The following UBR4 variants were observed in gnomAD, a reference collection of about 807,000 sequenced individuals.
The protein encoded by UBR4 is E3 ubiquitin-protein ligase UBR4.
Under a neutral mutation model 575.6 loss-of-function variants are expected in UBR4, and 124 were observed. The observed-to-expected ratio is 0.22, with a 90% CI of 0.19 to 0.25. The LOEUF is 0.25. UBR4 is among the 10% of genes least tolerant of loss of function. UBR4 has a pLI of 1.00. For synonymous variants in UBR4, 2,455 were observed against 2,473.7 expected, an observed-to-expected ratio of 0.99 and a Z score of 0.22; for missense variants, 4,818 against 6,478.8, an observed-to-expected ratio of 0.74 and a Z score of 8.80.
chr1:19,173,734 A>T, intron 22 of UBR4, 113 bp from the exon 23 acceptor site: 1 of 1,046,356 alleles, frequency 9.6e-7, no homozygotes, highest in Non-Finnish European at 1.4e-6. Context: ...TAGAGTCCTG[A>T]TTTTAAATTG....
At chr1:19,155,293 G>A (rs1483203622) in intron 43 of UBR4, 148 bp downstream of exon 43, 24 of 1,044,798 alleles carry the variant, frequency 2.3e-5, no homozygotes, top group Non-Finnish European at 2.9e-5. Flanking sequence ...TAGGTAGAAA[G>A]TTAGATGGAA....
At chr1:19,199,010 C>A (rs2092613877) in intron 3 of UBR4, 82 bp from the exon 4 acceptor site, 1 of 1,529,690 alleles carries the variant, frequency 6.5e-7, no homozygotes, top group Admixed American at 2.1e-5. Flanking sequence ...GAAATTCTAA[C>A]TGGCACAGGG....
chr1:19,208,194 A>T (rs1214473335), intron 1 of UBR4, among the ~76,000 whole-genome samples: 1 of 152,054 alleles, frequency 6.6e-6, no homozygotes, highest in Non-Finnish European at 1.5e-5. Context: ...CCGGCTGGGC[A>T]CGGTAGCTCA....
In UBR4 at chr1:19,153,814, T is replaced by A; in HGVS notation, c.6584A>T (p.Asp2195Val). The A allele has an allele frequency of 6.2e-7, 1 of 1,614,202 alleles. No homozygotes were observed. The highest frequency in any genetic ancestry group is 8.5e-7 in the Non-Finnish European group (1 of 1,180,024). Residue 2195 changes from aspartate to valine, a missense_variant, in exon 45 of 106, where the codon GAC (aspartate) becomes GTC (valine). Asp to Val is a radical substitution (Grantham distance 152, BLOSUM62 -3). Transcript: ENST00000375254. This position sits in a 1 kb window ranked among gnomAD's most constrained non-coding sequence, Gnocchi z 4.1. Reference sequence around the variant, plus strand: ...CTTAATCTCCTGGATAAGAAAAGTGTCTGGTTTCACCATAACTACCAGCGG... The same window carrying A: ...CTTAATCTCCTGGATAAGAAAAGTGACTGGTTTCACCATAACTACCAGCGG... ...GVPLVVMVKPDTFLIQEIKTL... is the reference protein window; with the variant it reads ...GVPLVVMVKPVTFLIQEIKTL...
chr1:19,163,912 G>C (rs2087833003), intron 33 of UBR4, 85 bp from the exon 34 acceptor site: 2 of 1,390,700 alleles, frequency 1.4e-6, no homozygotes, highest in South Asian at 1.2e-5. Flanking sequence ...CATTAACTTT[G>C]AATCAATCTG....
chr1:19,076,648 T>C lies in UBR4; in HGVS notation c.15487+92A>G, dbSNP rs1570056514. The C allele has an allele frequency of 1.9e-6, 3 of 1,559,270 alleles. No homozygotes were observed. The East Asian group carries it at 6.7e-5, about 35-fold the overall frequency. On this transcript the variant is annotated intron_variant, in intron 105 of 105. Coordinates refer to ENST00000375254, the MANE Select transcript of UBR4 (RefSeq NM_020765.3). ...AGGCTGGTTCATACTGCGTTTCCTC[T>C]GGTCGTGAAGATAAAGCTACGGATG...
chr1:19,174,298 C>A (rs773072578), intron 22 of UBR4, 21 bp downstream of exon 22: 1 of 1,596,626 alleles, frequency 6.3e-7, no homozygotes, highest in Non-Finnish European at 8.5e-7. Flanking sequence ...CCAAAGACTT[C>A]TCAGGGTTCC....
chr1:19,202,174 T>C (rs749080228), intron 1 of UBR4, among the ~76,000 whole-genome samples: 2 of 151,936 alleles, frequency 1.3e-5, no homozygotes, highest in Admixed American at 6.6e-5. Context: ...GCCTGGGTGA[T>C]AGAGCAAGAC....
At position 19,087,730 on chromosome 1, in the gene UBR4, C is replaced by G. The variant is rs976231834; in HGVS notation, c.14544+86G>C. 14 of 1,103,632 alleles carry G rather than the reference C, an allele frequency of 1.3e-5. No individual in the cohort carries two copies. The African/African-American group carries it at 1.9e-4, about 15-fold the overall frequency. The allele number at this position is 1,103,632 out of a possible 1,614,324, so 68.4% of individuals were successfully genotyped here. A position where few individuals can be genotyped will look rare whatever the true frequency, so the allele number is the denominator to read the frequency against. ...GGCCTTGATCTTGCCTAGCTAAGAA[C>G]AAAATGGCCTGGAGGAGGGGGATGC... On this transcript the variant is annotated intron_variant, in intron 99 of 105. Transcript: ENST00000375254.
intron 97 of UBR4, 128 bp downstream of exon 97, chr1:19,092,691 T>G: frequency 1.5e-6 from 1 of 679,370 alleles, no homozygotes; most frequent in Non-Finnish European, 2.4e-6. Context: ...ATAGATGAAG[T>G]AGATGACTTC....
chr1:19,113,109 T>C (rs531255784), intron 77 of UBR4: 2 of 496,448 alleles, frequency 4.0e-6, no homozygotes, highest in Admixed American at 3.9e-5. Flanking sequence ...GGCAGGCTTA[T>C]GCTCTTAACT....
At chr1:19,171,569 G>A (rs558408894) in intron 25 of UBR4, among the ~76,000 whole-genome samples, 36 of 152,168 alleles carry the variant, frequency 2.4e-4, no homozygotes, top group Non-Finnish European at 4.3e-4. Context: ...AGCTGGGCAC[G>A]GTGGCTCACA....
Position 19,140,848 on chromosome 1 carries a change from C to G in UBR4, c.8533G>C (p.Gly2845Arg), listed in dbSNP as rs535487705. The G allele has an allele frequency of 6.2e-7, 1 of 1,612,834 alleles. No homozygotes were observed. Among genetic ancestry groups the G allele is most frequent in the Admixed American group, 1.7e-5 (1 of 59,974 alleles). The part of the protein sequence containing the change: ...ALGLQSLGLS[G>R]QAPSSSSLDA... ...AGAGAGGAAGAGCTGGGTGCCTGGC[C>G]GGACAGTCCCAGGCTCTGCAGGCCC... is the stretch of plus-strand genomic sequence containing the variant. The change falls in exon 58 of 106, where the codon GGC becomes CGC. Residue 2845 changes from glycine (G) to arginine (R), a missense_variant. Gly to Arg is a moderately radical substitution (Grantham distance 125). Transcript: ENST00000375254.
At chr1:19,180,251 C>T (rs1176056092) in intron 17 of UBR4, among the ~76,000 whole-genome samples, 4 of 151,932 alleles carry the variant, frequency 2.6e-5, no homozygotes, top group Non-Finnish European at 5.9e-5. Context: ...TGCGGTTGCA[C>T]GATCTCAGCT....
chr1:19,129,768 GA>G (rs34659653), intron 60 of UBR4, among the ~76,000 whole-genome samples: 41,830 of 152,060 alleles, frequency 0.28, 6,594 homozygotes, highest in East Asian at 0.61. Context: ...AGAGGATGAT[GA>G]AAATTAATTA....
At position 19,121,220 on chromosome 1, in the gene UBR4, G is replaced by C; in HGVS notation, c.10110C>G (p.Ser3370Arg). ...TCTCCTTTTCTTTTTCTTCTTTCTTGCTCTTTTTAGTGGAAGACTTGGACT... is the reference window on the plus strand; with the variant it reads ...TCTCCTTTTCTTTTTCTTCTTTCTTCCTCTTTTTAGTGGAAGACTTGGACT... ...TTQSKSSTKK[S>R]KKEEKEKEKD... is the part of the protein sequence containing the mutation. The change falls in exon 68 of 106, where the codon AGC becomes AGG. Residue 3370 changes from serine to arginine, a missense_variant. This residue lies in a region of UBR4 where 550 missense variants were observed against 791.5 expected (regional missense o/e 0.69). Coordinates refer to ENST00000375254, the MANE Select transcript of UBR4 (RefSeq NM_020765.3). 2 of 1,614,048 alleles carry C rather than the reference G, an allele frequency of 1.2e-6. No individual in the cohort carries two copies. The highest frequency in any genetic ancestry group is 1.7e-6 in the Non-Finnish European group (2 of 1,179,992).
chr1:19,115,281 A>C lies in UBR4; in HGVS notation c.11063+117T>G. Reference sequence around the variant, plus strand: ...ACCCTTGAACCCACTCTACAAACCCATAATTCTCTAAATGTTCTGAGGGAA... The same window carrying C: ...ACCCTTGAACCCACTCTACAAACCCCTAATTCTCTAAATGTTCTGAGGGAA... On this transcript the variant is annotated intron_variant, in intron 74 of 105. Coordinates refer to ENST00000375254, the MANE Select transcript of UBR4 (RefSeq NM_020765.3). 5.5e-6 allele frequency: 8 copies of C among 1,443,012 alleles called. No homozygotes were observed. The South Asian group carries it at 9.8e-5, about 18-fold the overall frequency. The allele number at this position is 1,443,012 out of a possible 1,614,324, so 89.4% of individuals were successfully genotyped here.
chr1:19,113,536 G>A, intron 77 of UBR4, 163 bp downstream of exon 77: 2 of 990,830 alleles, frequency 2.0e-6, no homozygotes, highest in Non-Finnish European at 3.0e-6. Flanking sequence ...CACGGTGGGG[G>A]AGATGCCGTT....
chr1:19,187,737 T>C (rs1043271489), intron 11 of UBR4, among the ~76,000 whole-genome samples, 197 bp from the exon 12 acceptor site: 1 of 152,110 alleles, frequency 6.6e-6, no homozygotes. Flanking sequence ...CATCCACAGA[T>C]GGCCTAAGGA....
Sources: allele counts gnomAD v4.1 joint callset (sites outside exome capture counted in the v4.1 genomes callset), GRCh38; gene constraint gnomAD v4.1.1; regional missense constraint gnomAD v4.1.1; non-coding constraint Gnocchi (gnomAD v3.1); transcripts MANE v1.5; gene names NCBI Gene and HGNC (gene_info 2026-07-23, HGNC 2026-07-21).